The following NANOG variants were observed in gnomAD, a reference collection of about 807,000 sequenced individuals.
NANOG encodes the protein Nanog homeobox, also known as homeobox protein NANOG.
A neutral mutation model predicts 17.7 loss-of-function variants in NANOG; 2 were observed. The ratio of observed to expected loss-of-function variants is 0.11; its 90% confidence interval spans 0.05 to 0.36. The LOEUF is 0.36. NANOG is among the 10% of genes least tolerant of loss of function. The pLI is 1.00. For missense variants in NANOG, 174 were observed against 362.1 expected (o/e 0.48, Z 4.22); for synonymous variants, 81 against 124.7 (o/e 0.65, Z 2.33).
rs751937424 is a variant in NANOG, at chr12:7,798,585, A to T, written c.*3490A>T. The T allele has an allele frequency of 1.3e-5, 2 of 152,176 alleles. No individual in the cohort carries two copies. The highest frequency in any genetic ancestry group is 2.9e-5 in the Non-Finnish European group (2 of 68,032). The allele number at this position is 152,176 out of a possible 1,614,324, so 9.4% of individuals were successfully genotyped here. A position where few individuals can be genotyped will look rare whatever the true frequency, so the allele number is the denominator to read the frequency against. The stretch of plus-strand genomic sequence containing the variant: ...TCATTTTCATTTCAGTTTGTACCTG[A>T]AGGAGAGAAGCATGGATTGAATTTG... On this transcript the variant is annotated 3_prime_UTR_variant, in exon 4 of 4. Transcript: ENST00000229307.
chr12:7,797,729 C>T lies in NANOG; in HGVS notation c.*2634C>T, dbSNP rs138436381. The T allele has an allele frequency of 1.2e-3, 164 of 139,424 alleles. No individual in the cohort carries two copies. The highest frequency in any genetic ancestry group is 3.7e-3 in the African/African-American group (145 of 39,072). 8.6% of individuals were successfully genotyped at this position (139,424 alleles called of 1,614,324 possible). A position where few individuals can be genotyped will look rare whatever the true frequency, so the allele number is the denominator to read the frequency against. On this transcript the variant is annotated 3_prime_UTR_variant, in exon 4 of 4. Transcript: ENST00000229307. ...GGCTTAGTGGCACCATTTCACCTCA[C>T]TGTAGCCTCGACTTCCCGGATTCAA...
rs1359004004 is a variant in NANOG, at chr12:7,798,297, A to C, written c.*3202A>C. 1 of 152,192 alleles carries C rather than the reference A, an allele frequency of 6.6e-6. No homozygotes were observed. Among genetic ancestry groups the C allele is most frequent in the African/African-American group, 2.4e-5 (1 of 41,452 alleles). 9.4% of individuals were successfully genotyped at this position (152,192 alleles called of 1,614,324 possible). A position where few individuals can be genotyped will look rare whatever the true frequency, so the allele number is the denominator to read the frequency against. Reference sequence around the variant, plus strand: ...AAGGCGGAGGCAGGATAATCACTTGAACCCGGGAGGTTGCAGTGACCCCAG... The same window carrying C: ...AAGGCGGAGGCAGGATAATCACTTGCACCCGGGAGGTTGCAGTGACCCCAG... On this transcript the variant is annotated 3_prime_UTR_variant, in exon 4 of 4. Transcript: ENST00000229307.
chr12:7,793,085 A>T lies in NANOG; in HGVS notation c.287A>T (p.Gln96Leu), dbSNP rs375983497. 6.2e-7 allele frequency: 1 copy of T among 1,609,472 alleles called. No homozygotes were observed. The highest frequency in any genetic ancestry group is 1.3e-5 in the African/African-American group (1 of 74,976). Residue 96 changes from glutamine to leucine, a missense_variant, in exon 2 of 4, where the codon CAG becomes CTG. This residue lies in a region of NANOG where 158 missense variants were observed against 244.2 expected (regional missense o/e 0.65). Transcript: ENST00000229307. ...KKEDKVPVKK[Q>L]KTRTVFSSTQ... is the part of the protein sequence containing the mutation. ...GAAGACAAGGTCCCGGTCAAGAAAC[A>T]GAAGACCAGAACTGTGTTCTCTTCC...
At position 7,793,720 on chromosome 12, in the gene NANOG, GA is replaced by G. The variant is rs1383651618; in HGVS notation, c.414+509del. ...TCCTTCTTTTCTTTTGTTTATTTTT[GA>G]GACGGAGTCTCACTCTGTCTCCCAG... On this transcript the variant is annotated intron_variant, in intron 2 of 3. Transcript: ENST00000229307. Among the ~76,000 whole-genome samples, 3 of 151,614 alleles carry G rather than the reference GA, an allele frequency of 2.0e-5. 1 individual carries two copies. The South Asian group carries it at 6.2e-4, about 32-fold the overall frequency.
Position 7,797,518 on chromosome 12 carries a change from C to T in NANOG, c.*2423C>T, listed in dbSNP as rs1862947990. On this transcript the variant is annotated 3_prime_UTR_variant, in exon 4 of 4. Coordinates refer to ENST00000229307, the MANE Select transcript of NANOG (RefSeq NM_024865.4). ...TATTACAGGGATTTGCCACTATGCC[C>T]AGCTAATTCTTTGTATTTAGTAGAG... 2 of 151,232 alleles carry T rather than the reference C, an allele frequency of 1.3e-5. No homozygotes were observed. The highest frequency in any genetic ancestry group is 6.6e-5 in the Admixed American group (1 of 15,146). 9.4% of individuals were successfully genotyped at this position (151,232 alleles called of 1,614,324 possible). A position where few individuals can be genotyped will look rare whatever the true frequency, so the allele number is the denominator to read the frequency against.
chr12:7,794,310 C>CA, intron 2 of NANOG, 147 bp from the exon 3 acceptor site: 1 of 694,748 alleles, frequency 1.4e-6, no homozygotes, highest in Middle Eastern at 4.3e-4. Context: ...TGGGCTCAAG[C>CA]AATCTGCCCG....
At chr12:7,794,364 C>T (rs957994609) in intron 2 of NANOG, 93 bp from the exon 3 acceptor site, 28 of 1,189,982 alleles carry the variant, frequency 2.4e-5, no homozygotes, top group Non-Finnish European at 3.1e-5. Context: ...TGAGATATGG[C>T]ACCTGGCCAG....
At chr12:7,789,925 A>G (rs1432819167) in intron 1 of NANOG, among the ~76,000 whole-genome samples, 160 bp downstream of exon 1, 1 of 152,094 alleles carries the variant, frequency 6.6e-6, no homozygotes, top group Admixed American at 6.6e-5. Flanking sequence ...TTCCATTATA[A>G]CTTGGTGGCA....
intron 3 of NANOG, 29 bp from the exon 4 acceptor site, chr12:7,794,650 C>A: frequency 6.2e-7 from 1 of 1,611,010 alleles, no homozygotes; most frequent in East Asian, 2.2e-5. Context: ...TCCTTGTACC[C>A]TTTCTGTTAA....
chr12:7,793,238 AG>A, intron 2 of NANOG, 26 bp downstream of exon 2: 2 of 1,610,580 alleles, frequency 1.2e-6, no homozygotes, highest in Non-Finnish European at 1.7e-6. Context: ...CCTTGGAATA[AG>A]GTGAACAAAA....
At chr12:7,793,946 T>C (rs1862880387) in intron 2 of NANOG, among the ~76,000 whole-genome samples, 1 of 152,232 alleles carries the variant, frequency 6.6e-6, no homozygotes, top group Non-Finnish European at 1.5e-5. Flanking sequence ...GGCTTCACCA[T>C]GTTGGCCAGG....
intron 2 of NANOG, among the ~76,000 whole-genome samples, chr12:7,793,776 A>G (rs1261315876): frequency 6.6e-6 from 1 of 152,152 alleles, no homozygotes; most frequent in African/African-American, 2.4e-5. Context: ...ATAATGAGAC[A>G]TCATAATGAC....
intron 2 of NANOG, among the ~76,000 whole-genome samples, 160 bp downstream of exon 2, chr12:7,793,372 T>C (rs1862870691): frequency 7.0e-6 from 1 of 142,864 alleles, no homozygotes; most frequent in Non-Finnish European, 1.5e-5. Context: ...TTCCTTCACC[T>C]CTTTCTTTCC....
At chr12:7,792,622 C>T (rs1243309243) in intron 1 of NANOG, among the ~76,000 whole-genome samples, 1 of 151,992 alleles carries the variant, frequency 6.6e-6, no homozygotes, top group East Asian at 1.9e-4. Flanking sequence ...CGAGATTGCA[C>T]CATCGCACTT....
rs187228476 is a variant in NANOG, at chr12:7,796,189, G to A, written c.*1094G>A. ...AGTCCCAGCTATTTGGGAGGCTGAGGCAGGAGAATCGCTTGAACCTGGTAG... is the reference window on the plus strand; with the variant it reads ...AGTCCCAGCTATTTGGGAGGCTGAGACAGGAGAATCGCTTGAACCTGGTAG... On this transcript the variant is annotated 3_prime_UTR_variant, in exon 4 of 4. Transcript: ENST00000229307. The A allele has an allele frequency of 1.3e-5, 2 of 152,288 alleles. No individual in the cohort carries two copies. The highest frequency in any genetic ancestry group is 3.9e-4 in the East Asian group (2 of 5,192). The allele number at this position is 152,288 out of a possible 1,614,324, so 9.4% of individuals were successfully genotyped here.
intron 3 of NANOG, 51 bp from the exon 4 acceptor site, chr12:7,794,628 C>A (rs1253325097): frequency 6.2e-6 from 10 of 1,610,842 alleles, no homozygotes; most frequent in Admixed American, 1.7e-5. Flanking sequence ...CAGTCACAGA[C>A]AGTTCTGGTT....
intron 1 of NANOG, among the ~76,000 whole-genome samples, chr12:7,792,190 T>C (rs149192746): frequency 6.6e-5 from 10 of 152,326 alleles, no homozygotes; most frequent in African/African-American, 2.4e-4. Context: ...CCATCCCACC[T>C]AGCTGAGGTG....
At position 7,796,789 on chromosome 12, in the gene NANOG, GAGTCTTAC is replaced by G. The variant is rs1862938170; in HGVS notation, c.*1695_*1702del. The G allele has an allele frequency of 6.6e-6, 1 of 150,812 alleles. No individual in the cohort carries two copies. Among genetic ancestry groups the G allele is most frequent in the Admixed American group, 6.6e-5 (1 of 15,142 alleles). The allele number at this position is 150,812 out of a possible 1,614,324, so 9.3% of individuals were successfully genotyped here. A position where few individuals can be genotyped will look rare whatever the true frequency, so the allele number is the denominator to read the frequency against. On this transcript the variant is annotated 3_prime_UTR_variant, in exon 4 of 4. Transcript: ENST00000229307. ...TTTATTTTGTTTTTTTTTAAGACTG[GAGTCTTAC>G]TCTGTTGCCCAGGCTGGAGTGTAGT...
In NANOG at chr12:7,795,162, T is replaced by A. The variant is rs1279269256; in HGVS notation, c.*67T>A. On this transcript the variant is annotated 3_prime_UTR_variant, in exon 4 of 4. Coordinates refer to ENST00000229307, the MANE Select transcript of NANOG (RefSeq NM_024865.4). ...TGGCTGAATCCTTCCTCTCCCCTCC[T>A]CCCATCCCTCATAGGATTTTTCTTG... is the stretch of plus-strand genomic sequence containing the variant. 3.2e-6 allele frequency: 5 copies of A among 1,568,402 alleles called. No homozygotes were observed. The African/African-American group carries it at 6.7e-5, about 21-fold the overall frequency.
Sources: allele counts gnomAD v4.1 joint callset (sites outside exome capture counted in the v4.1 genomes callset), GRCh38; gene constraint gnomAD v4.1.1; regional missense constraint gnomAD v4.1.1; transcripts MANE v1.5; gene names NCBI Gene and HGNC (gene_info 2026-07-23, HGNC 2026-07-21).